Variants in ZDHHC15 observed in about 807,000 individuals in gnomAD.
The protein encoded by ZDHHC15 is zDHHC palmitoyltransferase 15, also known as palmitoyltransferase ZDHHC15.
In ZDHHC15, 19 loss-of-function variants were observed where a neutral mutation model predicts 31.7. The observed-to-expected ratio is 0.60, with a 90% confidence interval of 0.42 to 0.88. The LOEUF is 0.88. ZDHHC15 is among the 40% of genes least tolerant of loss of function. The pLI is 0.00. For synonymous variants in ZDHHC15, 103 were observed against 90.0 expected, an observed-to-expected ratio of 1.14 and a Z score of -0.82; for missense variants, 209 against 251.2, an observed-to-expected ratio of 0.83 and a Z score of 1.14.
At chrX:75,384,226 A>T (rs2083155420) in intron 10 of ZDHHC15, 1 of 467,020 alleles carries the variant, frequency 2.1e-6, no homozygotes, top group Non-Finnish European at 3.7e-6. Flanking sequence ...AAAGTATACA[A>T]CTCATGTGAA....
In ZDHHC15 at chrX:75,382,616, T is replaced by G. The variant is rs143506430; in HGVS notation, c.968-3418A>C. On this transcript the variant is annotated intron_variant, in intron 10 of 11. Transcript: ENST00000373367. ...TGTGTTAAGAGGGAACAAGTAAGTG[T>G]ATATCGAGAGAATACACGAAGAAAG... Among the ~76,000 whole-genome samples the G allele has an allele frequency of 5.0e-4, 56 of 112,169 alleles. No individual in the cohort carries two copies. In the East Asian group the frequency reaches 0.015, roughly 31 times the overall value.
In ZDHHC15 at chrX:75,379,213, C is replaced by A; in HGVS notation, c.968-15G>T. On this transcript the variant is annotated splice_polypyrimidine_tract_variant and intron_variant, in intron 10 of 11. Transcript: ENST00000373367. ...TTCTGGATAATCTGCAAGGTTGAAACGTGAAGATGATCAAATGTCCCCGTG... is the reference window on the plus strand; with the variant it reads ...TTCTGGATAATCTGCAAGGTTGAAAAGTGAAGATGATCAAATGTCCCCGTG... 1 of 1,209,871 alleles carries A rather than the reference C, an allele frequency of 8.3e-7. No homozygotes were observed. The highest frequency in any genetic ancestry group is 1.1e-6 in the Non-Finnish European group (1 of 894,325).
Position 75,372,130 on chromosome X carries a change from G to A in ZDHHC15, c.*848C>T, listed in dbSNP as rs778918047. 10 of 111,754 alleles carry A rather than the reference G, an allele frequency of 8.9e-5. No homozygotes were observed. Among genetic ancestry groups the A allele is most frequent in the African/African-American group, 3.2e-4 (10 of 30,846 alleles). The allele number at this position is 111,754 out of a possible 1,213,427, so 9.2% of individuals were successfully genotyped here. Reference sequence around the variant, plus strand: ...CTTTCATCATAAAATAACTCATAAAGGCTAAAATAAAACTAGGAAGCAGAT... The same window carrying A: ...CTTTCATCATAAAATAACTCATAAAAGCTAAAATAAAACTAGGAAGCAGAT... On this transcript the variant is annotated 3_prime_UTR_variant, in exon 12 of 12. Coordinates refer to ENST00000373367, the MANE Select transcript of ZDHHC15 (RefSeq NM_144969.3).
At chrX:75,435,799 T>C (rs1398939334) in intron 4 of ZDHHC15, among the ~76,000 whole-genome samples, 1 of 111,972 alleles carries the variant, frequency 8.9e-6, no homozygotes, top group Non-Finnish European at 1.9e-5. Flanking sequence ...GGTCTGCAGT[T>C]TTCTTTTTTA....
intron 3 of ZDHHC15, among the ~76,000 whole-genome samples, chrX:75,463,339 G>A (rs376446950): frequency 9.0e-6 from 1 of 110,561 alleles, no homozygotes; most frequent in African/African-American, 3.3e-5. Context: ...AAGAAAAGCT[G>A]GTATCATTTC....
intron 9 of ZDHHC15, among the ~76,000 whole-genome samples, 159 bp downstream of exon 9, chrX:75,421,705 C>T (rs1224064497): frequency 4.7e-5 from 5 of 106,660 alleles, no homozygotes; most frequent in Non-Finnish European, 9.6e-5. Flanking sequence ...TTATCAGACC[C>T]TCACCTCTTT....
intron 10 of ZDHHC15, among the ~76,000 whole-genome samples, chrX:75,393,720 C>A (rs1259114260): frequency 9.0e-6 from 1 of 111,394 alleles, no homozygotes; most frequent in East Asian, 2.8e-4. Context: ...ACTGCTGGTA[C>A]CAAAATCTGT....
chrX:75,517,976 CA>C (rs780881035), intron 1 of ZDHHC15, among the ~76,000 whole-genome samples: 2 of 105,685 alleles, frequency 1.9e-5, no homozygotes, highest in Admixed American at 1.0e-4. Context: ...AAAACAAAAA[CA>C]AAAAAAAACA....
At chrX:75,392,603 A>G (rs752657066) in intron 10 of ZDHHC15, among the ~76,000 whole-genome samples, 3 of 112,189 alleles carry the variant, frequency 2.7e-5, no homozygotes, top group Non-Finnish European at 5.6e-5. Flanking sequence ...ACCAAACATA[A>G]TACAACTATC....
chrX:75,455,277 C>T (rs1217885635), intron 3 of ZDHHC15, among the ~76,000 whole-genome samples: 3 of 111,627 alleles, frequency 2.7e-5, no homozygotes, highest in South Asian at 3.8e-4. Flanking sequence ...AAAGGATTCC[C>T]TATTTAATAA....
intron 3 of ZDHHC15, among the ~76,000 whole-genome samples, chrX:75,459,877 G>T (rs1038720023): frequency 1.8e-5 from 2 of 111,799 alleles, no homozygotes; most frequent in African/African-American, 6.5e-5. Flanking sequence ...CTGCTTTTTT[G>T]TTTGTTTGTT....
At chrX:75,394,889 C>G (rs996256266) in intron 10 of ZDHHC15, among the ~76,000 whole-genome samples, 7 of 111,967 alleles carry the variant, frequency 6.3e-5, no homozygotes, top group Non-Finnish European at 9.4e-5. Flanking sequence ...ATTTACAGAA[C>G]ATTTCATCCA....
At chrX:75,483,417 A>G (rs780466707) in intron 2 of ZDHHC15, among the ~76,000 whole-genome samples, 41 of 109,966 alleles carry the variant, frequency 3.7e-4, no homozygotes, top group Non-Finnish European at 6.4e-4. Context: ...TACAAAAAAA[A>G]TTATCTGGGC....
intron 10 of ZDHHC15, among the ~76,000 whole-genome samples, chrX:75,396,826 G>A: frequency 9.0e-6 from 1 of 111,634 alleles, no homozygotes; most frequent in East Asian, 2.8e-4. Flanking sequence ...ATGAAATCCT[G>A]TTATTTGCAA....
chrX:75,484,094 G>A (rs2084738398), intron 2 of ZDHHC15, among the ~76,000 whole-genome samples: 1 of 112,170 alleles, frequency 8.9e-6, no homozygotes. Flanking sequence ...GTATTAAGAA[G>A]ATGCATCAAT....
At chrX:75,499,299 C>T (rs1239224063) in intron 2 of ZDHHC15, among the ~76,000 whole-genome samples, 3 of 111,697 alleles carry the variant, frequency 2.7e-5, no homozygotes, top group Admixed American at 9.6e-5. Flanking sequence ...AACTAAAAAG[C>T]TTCTGCACAG....
intron 3 of ZDHHC15, among the ~76,000 whole-genome samples, chrX:75,451,632 T>A (rs138974863): frequency 3.0e-3 from 332 of 111,879 alleles, no homozygotes; most frequent in Middle Eastern, 9.2e-3. Flanking sequence ...ATTTCTAGGT[T>A]TAAGTCTCAT....
Position 75,371,795 on chromosome X carries a change from C to T in ZDHHC15, c.*1183G>A, listed in dbSNP as rs1329278655. Reference sequence around the variant, plus strand: ...TAAAGAATCAGTACTAGTATTCTCACTCATTGATTCAGGCACTAGGACTAA... The same window carrying T: ...TAAAGAATCAGTACTAGTATTCTCATTCATTGATTCAGGCACTAGGACTAA... On this transcript the variant is annotated 3_prime_UTR_variant, in exon 12 of 12. Transcript: ENST00000373367. The T allele has an allele frequency of 2.7e-5, 3 of 111,868 alleles. No individual in the cohort carries two copies. Among genetic ancestry groups the T allele is most frequent in the Non-Finnish European group, 5.6e-5 (3 of 53,185 alleles). 9.2% of individuals were successfully genotyped at this position (111,868 alleles called of 1,213,427 possible). A position where few individuals can be genotyped will look rare whatever the true frequency, so the allele number is the denominator to read the frequency against.
chrX:75,379,005 G>A, intron 11 of ZDHHC15, 115 bp downstream of exon 11: 2 of 543,248 alleles, frequency 3.7e-6, no homozygotes, highest in Non-Finnish European at 5.9e-6. Context: ...CAAGAGTGAA[G>A]AATTTAAAAT....
Sources: gnomAD v4.1 joint callset for allele counts (sites outside exome capture counted in the v4.1 genomes callset) on GRCh38, gnomAD v4.1.1 for gene constraint, MANE v1.5 for transcripts, NCBI Gene and HGNC (gene_info 2026-07-23, HGNC 2026-07-21) for gene names.